GRIN2B: variants seen among roughly 807,000 people sequenced by gnomAD.
GRIN2B encodes the protein glutamate receptor ionotropic, NMDA 2B.
In GRIN2B, 5 loss-of-function variants were observed where a neutral mutation model predicts 114.5. The ratio of observed to expected loss-of-function variants is 0.04; its 90% CI spans 0.02 to 0.09. The LOEUF (loss-of-function observed/expected upper bound fraction) is 0.09, where lower values mean the gene tolerates loss of function less well. Ranked by LOEUF, GRIN2B falls within the 10% of genes least tolerant of loss-of-function variation. GRIN2B has a pLI of 1.00. For synonymous variants in GRIN2B, 787 were observed against 745.1 expected (o/e 1.06, Z -0.92); for missense variants, 1,108 against 1,943.5 (o/e 0.57, Z 8.08).
intron 2 of GRIN2B, among the ~76,000 whole-genome samples, chr12:13,915,279 G>A (rs1866695960): frequency 1.3e-5 from 2 of 152,106 alleles, no homozygotes; most frequent in Admixed American, 6.5e-5. Context: ...CCTGGCATAC[G>A]TTAGTCACAC....
chr12:13,722,566 T>C (rs1441380829), intron 4 of GRIN2B, among the ~76,000 whole-genome samples: 1 of 152,076 alleles, frequency 6.6e-6, no homozygotes, highest in Non-Finnish European at 1.5e-5. Flanking sequence ...CCTGGCAGAA[T>C]AACTCAATTT....
rs190571855 is a variant in GRIN2B at position 13,908,083 on chromosome 12, G to A, written c.-18-41857C>T. On this transcript the variant is annotated intron_variant, in intron 2 of 13. Coordinates refer to ENST00000609686, the MANE Select transcript of GRIN2B (RefSeq NM_000834.5). ...ACCCCAGTTATTTTGAACTCATGAC[G>A]CTCTGCACTGTATACTTTTTCCTAA... Among the ~76,000 whole-genome samples, 86 of 152,110 alleles carry A rather than the reference G, an allele frequency of 5.7e-4. 1 individual carries two copies. The highest frequency in any genetic ancestry group is 9.7e-4 in the East Asian group (5 of 5,172).
At position 13,865,954 on chromosome 12, in the gene GRIN2B, G is replaced by A. The variant is rs754683623; in HGVS notation, c.255C>T (p.Ile85=). The A allele has an allele frequency of 3.1e-6, 5 of 1,614,114 alleles. No individual in the cohort carries two copies. Among genetic ancestry groups the A allele is most frequent in the Non-Finnish European group, 4.2e-6 (5 of 1,179,990 alleles). The change falls in exon 3 of 14, where the codon ATC becomes ATT. Residue 85 remains isoleucine, a synonymous_variant. Coordinates refer to ENST00000609686, the MANE Select transcript of GRIN2B (RefSeq NM_000834.5). The stretch of plus-strand genomic sequence containing the variant: ...TCTTCCGGTCAGACATGAGATCACA[G>A]ATGCGGGTGATGATGCTCTTTGGGT... ...ETDPKSIITR[I]CDLMSDRKIQ...
At chr12:13,893,801 A>T (rs1866308427) in intron 2 of GRIN2B, among the ~76,000 whole-genome samples, 1 of 151,556 alleles carries the variant, frequency 6.6e-6, no homozygotes, top group African/African-American at 2.4e-5. Flanking sequence ...AATGAGCAAA[A>T]AAGGGAACTT....
At position 13,550,125 on chromosome 12, in the gene GRIN2B, T is replaced by C. The variant is rs1334105978; in HGVS notation, c.*12658A>G. 1.3e-5 allele frequency: 2 copies of C among 152,226 alleles called. No homozygotes were observed. Among genetic ancestry groups the C allele is most frequent in the Non-Finnish European group, 2.9e-5 (2 of 68,032 alleles). 9.4% of individuals were successfully genotyped at this position (152,226 alleles called of 1,614,324 possible). On this transcript the variant is annotated 3_prime_UTR_variant, in exon 14 of 14. Transcript: ENST00000609686. ...ATTTTGTGCTTTGACTTCTCATCTG[T>C]AAAACTGAAAGATGATCTTATTTCC...
intron 4 of GRIN2B, among the ~76,000 whole-genome samples, chr12:13,700,096 G>A (rs1013353833): frequency 3.3e-5 from 5 of 152,082 alleles, no homozygotes; most frequent in Admixed American, 1.3e-4. Flanking sequence ...GCAGTAATAC[G>A]CTGTCTGTCT....
intron 2 of GRIN2B, among the ~76,000 whole-genome samples, chr12:13,927,485 A>G (rs1866938296): frequency 6.6e-6 from 1 of 152,120 alleles, no homozygotes; most frequent in Non-Finnish European, 1.5e-5. Flanking sequence ...CATAGACACT[A>G]CTAAACAAGC....
chr12:13,866,063 G>A lies in GRIN2B; in HGVS notation c.146C>T (p.Ala49Val). 3 of 1,613,998 alleles carry A rather than the reference G, an allele frequency of 1.9e-6. No homozygotes were observed. The highest frequency in any genetic ancestry group is 2.5e-6 in the Non-Finnish European group (3 of 1,179,930). ...VILVGTSDEV[A>V]IKDAHEKDDF... ...ATCTTTCTCGTGGGCATCCTTGATG[G>A]CCACCTCGTCGGAAGTGCCCACGAG... The change falls in exon 3 of 14, where the codon GCC becomes GTC. Residue 49 changes from alanine to valine, a missense_variant. By Grantham distance (64) the Ala-to-Val change is moderately conservative. Coordinates refer to ENST00000609686, the MANE Select transcript of GRIN2B (RefSeq NM_000834.5).
chr12:13,912,751 T>C (rs1866645787), intron 2 of GRIN2B, among the ~76,000 whole-genome samples: 1 of 152,188 alleles, frequency 6.6e-6, no homozygotes, highest in Non-Finnish European at 1.5e-5. Flanking sequence ...TGAGGATGAA[T>C]GTTCTTCATG....
chr12:13,789,959 G>A (rs11055620), intron 3 of GRIN2B, among the ~76,000 whole-genome samples: 3,140 of 152,214 alleles, frequency 0.021, 54 homozygotes, highest in Non-Finnish European at 0.028. Flanking sequence ...AGATTTTTAC[G>A]TTACTTAGCT....
chr12:13,640,750 G>A (rs1949707495), intron 5 of GRIN2B, among the ~76,000 whole-genome samples: 1 of 152,122 alleles, frequency 6.6e-6, no homozygotes, highest in Non-Finnish European at 1.5e-5. Context: ...CCAAGGCATA[G>A]CCAAATTTCC....
At chr12:13,964,137 T>C (rs1378485350) in intron 2 of GRIN2B, among the ~76,000 whole-genome samples, 1 of 152,172 alleles carries the variant, frequency 6.6e-6, no homozygotes, top group East Asian at 1.9e-4. Flanking sequence ...CTAGTATTCC[T>C]CTATTCCAAT....
In GRIN2B at chr12:13,562,685, G is replaced by A; in HGVS notation, c.*98C>T. 9.6e-7 allele frequency: 1 copy of A among 1,037,332 alleles called. No individual in the cohort carries two copies. 64.3% of individuals were successfully genotyped at this position (1,037,332 alleles called of 1,614,324 possible). On this transcript the variant is annotated 3_prime_UTR_variant, in exon 14 of 14. Coordinates refer to ENST00000609686, the MANE Select transcript of GRIN2B (RefSeq NM_000834.5). ...AAATTAAAACAAGAAAGGAGCAAAT[G>A]GGAACCAAGTTCACCCCCGTCACCC...
intron 4 of GRIN2B, among the ~76,000 whole-genome samples, chr12:13,752,864 G>T (rs1174932577): frequency 6.6e-6 from 1 of 152,108 alleles, no homozygotes. Flanking sequence ...TAAGCGGACT[G>T]GTCCTCCCTT....
intron 2 of GRIN2B, among the ~76,000 whole-genome samples, chr12:13,941,410 T>C (rs1348133026): frequency 6.6e-6 from 1 of 152,134 alleles, no homozygotes; most frequent in African/African-American, 2.4e-5. Flanking sequence ...CAAACCCTCC[T>C]GCTGTGAAGA....
Position 13,537,742 on chromosome 12 carries a change from C to G in GRIN2B, c.*25041G>C, listed in dbSNP as rs774832454. The G allele has an allele frequency of 6.6e-6, 1 of 152,220 alleles. No homozygotes were observed. The highest frequency in any genetic ancestry group is 2.1e-4 in the South Asian group (1 of 4,822). The allele number at this position is 152,220 out of a possible 1,614,324, so 9.4% of individuals were successfully genotyped here. A position where few individuals can be genotyped will look rare whatever the true frequency, so the allele number is the denominator to read the frequency against. ...ACCCAGGACAATTGAATGAGACTCT[C>G]TAGGGGATGAGACTCAGGCATCAGC... On this transcript the variant is annotated 3_prime_UTR_variant, in exon 14 of 14. Coordinates refer to ENST00000609686, the MANE Select transcript of GRIN2B (RefSeq NM_000834.5).
At chr12:13,652,663 G>A (rs188243251) in intron 5 of GRIN2B, among the ~76,000 whole-genome samples, 55 of 152,182 alleles carry the variant, frequency 3.6e-4, no homozygotes, top group Non-Finnish European at 6.0e-4. Flanking sequence ...ATGGGCAGGC[G>A]GCCTAACTCC....
chr12:13,815,249 A>G lies in GRIN2B; in HGVS notation c.411+50549T>C, dbSNP rs150908462. ...TCAGATAGGCAGCAGACATTTGCGC[A>G]ATACTCAGGGTACTTTTCCTCAGAT... is the stretch of plus-strand genomic sequence containing the variant. On this transcript the variant is annotated intron_variant, in intron 3 of 13. Transcript: ENST00000609686. Among the ~76,000 whole-genome samples, 454 of 152,324 alleles carry G rather than the reference A, an allele frequency of 3.0e-3. 6 individuals carry two copies. Among genetic ancestry groups the G allele is most frequent in the Middle Eastern group, 0.014 (4 of 294 alleles).
At chr12:13,792,292 T>G (rs576209562) in intron 3 of GRIN2B, among the ~76,000 whole-genome samples, 2 of 152,276 alleles carry the variant, frequency 1.3e-5, no homozygotes, top group East Asian at 3.9e-4. Flanking sequence ...AGAGGAGAAC[T>G]TACTTAAAGG....
Sources: gnomAD v4.1 joint callset for allele counts (sites outside exome capture counted in the v4.1 genomes callset) on GRCh38, gnomAD v4.1.1 for gene constraint, MANE v1.5 for transcripts, NCBI Gene and HGNC (gene_info 2026-07-23, HGNC 2026-07-21) for gene names.